The following ARMC3 variants were observed in gnomAD, a reference collection of about 807,000 sequenced individuals.
ARMC3 encodes the protein armadillo repeat-containing protein 3.
A neutral mutation model predicts 90.3 loss-of-function variants in ARMC3; 74 were observed. That is an observed-to-expected ratio of 0.82 (90% CI 0.68 to 0.99). ARMC3 has a LOEUF of 0.99. Among genes scored for constraint, ARMC3 ranks in the 50% least tolerant of loss-of-function variants. The pLI is 0.00. For missense variants in ARMC3, 958 were observed against 1,042.8 expected, an observed-to-expected ratio of 0.92 and a Z score of 1.12; for synonymous variants, 334 against 361.8, an observed-to-expected ratio of 0.92 and a Z score of 0.87.
At chr10:22,940,490 T>C (rs79377864) in intron 2 of ARMC3, among the ~76,000 whole-genome samples, 5,527 of 152,300 alleles carry the variant, frequency 0.036, 316 homozygotes, top group African/African-American at 0.12. Flanking sequence ...ATAAATTGTA[T>C]TTTTTTCTTT....
chr10:22,966,837 A>C (rs1835459873), intron 7 of ARMC3, among the ~76,000 whole-genome samples: 1 of 152,202 alleles, frequency 6.6e-6, no homozygotes, highest in Admixed American at 6.5e-5. Flanking sequence ...CACTGTCATG[A>C]GAACAGCACG....
intron 7 of ARMC3, among the ~76,000 whole-genome samples, chr10:22,966,183 C>T (rs370818266): frequency 2.0e-5 from 3 of 152,186 alleles, no homozygotes; most frequent in African/African-American, 7.2e-5. Context: ...CTGGTTGCTG[C>T]TGTTTTTAGC....
At chr10:22,963,887 T>TCTCACACA (rs1184167653) in intron 7 of ARMC3, among the ~76,000 whole-genome samples, 6 of 33,858 alleles carry the variant, frequency 1.8e-4, no homozygotes, top group African/African-American at 5.8e-4. Context: ...AGACTCTGTC[T>TCTCACACA]CACACACACA....
chr10:22,946,252 G>A lies in ARMC3; in HGVS notation c.157G>A (p.Ala53Thr), dbSNP rs1338169282. ...AKACEAIYKF[A>T]LKGEENKTTL... is the part of the protein sequence containing the mutation. Reference sequence around the variant, plus strand: ...AGCATGTGAAGCCATTTATAAATTTGCTTTAAAAGGTTTGGATTTTTTTCA... The same window carrying A: ...AGCATGTGAAGCCATTTATAAATTTACTTTAAAAGGTTTGGATTTTTTTCA... The change falls in exon 3 of 19, where the codon GCT becomes ACT. Residue 53 changes from alanine (A) to threonine (T), a missense_variant. Coordinates refer to ENST00000298032, the MANE Select transcript of ARMC3 (RefSeq NM_173081.5). 5 of 1,596,280 alleles carry A rather than the reference G, an allele frequency of 3.1e-6. No individual in the cohort carries two copies. In the South Asian group the frequency reaches 4.5e-5, roughly 15 times the overall value.
At chr10:22,956,441 A>G (rs1834938063) in intron 4 of ARMC3, among the ~76,000 whole-genome samples, 1 of 152,088 alleles carries the variant, frequency 6.6e-6, no homozygotes, top group African/African-American at 2.4e-5. Flanking sequence ...CGTCTCTACT[A>G]AAAATACAAA....
At position 23,007,078 on chromosome 10, in the gene ARMC3, C is replaced by A. The variant is rs943818778; in HGVS notation, c.1829+97C>A. 6.0e-6 allele frequency: 6 copies of A among 999,936 alleles called. No homozygotes were observed. The African/African-American group carries it at 9.8e-5, about 16-fold the overall frequency. The allele number at this position is 999,936 out of a possible 1,614,324, so 61.9% of individuals were successfully genotyped here. ...GTGAATATGCAAAGATTCCCAGACC[C>A]TTTTCTCCTGTATCTAGCACCTCCA... On this transcript the variant is annotated intron_variant, in intron 14 of 18. Coordinates refer to ENST00000298032, the MANE Select transcript of ARMC3 (RefSeq NM_173081.5).
chr10:22,946,213 GA>G lies in ARMC3; in HGVS notation c.121del (p.Ile41PhefsTer14). 1 of 1,612,968 alleles carries G rather than the reference GA, an allele frequency of 6.2e-7. No homozygotes were observed. Among genetic ancestry groups the G allele is most frequent in the Non-Finnish European group, 8.5e-7 (1 of 1,179,568 alleles). On this transcript the variant is annotated frameshift_variant, in exon 3 of 19. Coordinates refer to ENST00000298032, the MANE Select transcript of ARMC3 (RefSeq NM_173081.5). LOFTEE classifies it high-confidence loss of function. ...GTTAATGCTTAATTCTCCAGAAGAG[GA>G]AATTTTGGCTAAAGCATGTGAAGCC... is the stretch of plus-strand genomic sequence containing the variant. ...VVLMLNSPEEEILAKACEAIY... is the reference protein window; with the variant it reads ...VVLMLNSPEEXILAKACEAIY...
chr10:22,942,235 C>T (rs183104088), intron 2 of ARMC3, among the ~76,000 whole-genome samples: 3 of 152,134 alleles, frequency 2.0e-5, no homozygotes, highest in Non-Finnish European at 4.4e-5. Flanking sequence ...TTGAAAAAGT[C>T]AAGTTGTATC....
intron 4 of ARMC3, among the ~76,000 whole-genome samples, chr10:22,958,679 A>G (rs1032964021): frequency 4.6e-5 from 7 of 152,100 alleles, no homozygotes; most frequent in Non-Finnish European, 8.8e-5. Context: ...TGAGATAATA[A>G]TATTACCTGT....
intron 16 of ARMC3, among the ~76,000 whole-genome samples, chr10:23,027,832 A>G (rs1340946002): frequency 6.7e-6 from 1 of 149,692 alleles, no homozygotes; most frequent in African/African-American, 2.5e-5. Context: ...GTGTCTGTCA[A>G]CTGTTTTTTT....
At position 23,008,294 on chromosome 10, in the gene ARMC3, G is replaced by C; in HGVS notation, c.1848G>C (p.Met616Ile). The change falls in exon 15 of 19, where the codon ATG (methionine) becomes ATC (isoleucine). Residue 616 changes from methionine to isoleucine, a missense_variant. Physicochemically the swap from Met to Ile is conservative, Grantham distance 10. Transcript: ENST00000298032. ...ATTTTAGTTCTCCACCTTCATCTAT[G>C]GAAGATAAATCAGATGTTGGTTATG... ...SKSYVSPPSS[M>I]EDKSDVGYGR... 6.5e-7 allele frequency: 1 copy of C among 1,538,220 alleles called. No homozygotes were observed. Among genetic ancestry groups the C allele is most frequent in the African/African-American group, 1.4e-5 (1 of 72,258 alleles).
chr10:22,951,780 G>A (rs1282970514), intron 3 of ARMC3, among the ~76,000 whole-genome samples: 2 of 152,132 alleles, frequency 1.3e-5, no homozygotes, highest in African/African-American at 4.8e-5. Flanking sequence ...TGCCTATACT[G>A]GAAAACAAGG....
chr10:22,996,373 C>T lies in ARMC3; in HGVS notation c.1176-1775C>T, dbSNP rs925902834. ...GGAAAGGAAATTAAATGCTGACCCT[C>T]GGGCTATTATAGTGAGTGATATAGG... On this transcript the variant is annotated intron_variant, in intron 10 of 18. Transcript: ENST00000298032. Among the ~76,000 whole-genome samples, 20 of 152,216 alleles carry T rather than the reference C, an allele frequency of 1.3e-4. No homozygotes were observed. In the South Asian group the frequency reaches 3.5e-3, roughly 27 times the overall value.
At position 22,968,396 on chromosome 10, in the gene ARMC3, G is replaced by A. The variant is rs184323035; in HGVS notation, c.823G>A (p.Gly275Ser). ...DTMVQIQQTG[G>S]LKKLLSFAEN... ...TATGGTGCAGATTCAGCAGACAGGGGGTCTTAAAAAGCTCCTGTCATTTGC... is the reference window on the plus strand; with the variant it reads ...TATGGTGCAGATTCAGCAGACAGGGAGTCTTAAAAAGCTCCTGTCATTTGC... Residue 275 changes from glycine (G) to serine (S), a missense_variant, in exon 8 of 19, where the codon GGT becomes AGT. Transcript: ENST00000298032. The A allele has an allele frequency of 6.2e-7, 1 of 1,613,308 alleles. No homozygotes were observed. Among genetic ancestry groups the A allele is most frequent in the Non-Finnish European group, 8.5e-7 (1 of 1,179,756 alleles).
At chr10:22,993,467 G>T (rs1042298218) in intron 10 of ARMC3, among the ~76,000 whole-genome samples, 6 of 152,152 alleles carry the variant, frequency 3.9e-5, no homozygotes, top group Non-Finnish European at 7.3e-5. Flanking sequence ...ACTGGAAATC[G>T]CAGTGTTGCT....
At chr10:22,932,182 G>T in intron 2 of ARMC3, 138 bp downstream of exon 2, 2 of 569,782 alleles carry the variant, frequency 3.5e-6, no homozygotes, top group South Asian at 3.2e-5. Flanking sequence ...GATAAGATTA[G>T]TCAGAGAAAT....
At chr10:22,957,118 A>G (rs1215522807) in intron 4 of ARMC3, among the ~76,000 whole-genome samples, 3 of 152,240 alleles carry the variant, frequency 2.0e-5, no homozygotes, top group Admixed American at 6.5e-5. Context: ...AAATCATTAT[A>G]CTTTCCCCGT....
chr10:22,959,291 T>C (rs745362608), intron 5 of ARMC3, 108 bp from the exon 6 acceptor site: 28 of 1,355,830 alleles, frequency 2.1e-5, no homozygotes, highest in Non-Finnish European at 2.8e-5. Context: ...AGAGGTGAGC[T>C]TTAAGCAAGA....
intron 10 of ARMC3, among the ~76,000 whole-genome samples, chr10:22,992,297 T>A (rs1337644321): frequency 6.6e-6 from 1 of 152,206 alleles, no homozygotes; most frequent in Non-Finnish European, 1.5e-5. Context: ...TGCTGTTCTC[T>A]TTGAGAGAGC....
Sources: allele counts gnomAD v4.1 joint callset (sites outside exome capture counted in the v4.1 genomes callset), GRCh38; gene constraint gnomAD v4.1.1; transcripts MANE v1.5; gene names NCBI Gene and HGNC (gene_info 2026-07-23, HGNC 2026-07-21).